UBAC2: variants seen among roughly 807,000 people sequenced by gnomAD.
UBAC2 encodes UBA domain containing 2, also known as ubiquitin-associated domain-containing protein 2.
A neutral mutation model predicts 44.0 loss-of-function variants in UBAC2; 26 were observed. That is an observed-to-expected ratio of 0.59 (90% CI 0.43 to 0.82). The LOEUF (loss-of-function observed/expected upper bound fraction) is 0.82. Among genes scored for constraint, UBAC2 ranks in the 40% least tolerant of loss-of-function variants. The pLI, the probability that UBAC2 is intolerant of heterozygous loss-of-function variation, is 0.00. For synonymous variants in UBAC2, 155 were observed against 154.3 expected (o/e 1.00, Z -0.04); for missense variants, 329 against 419.4 (o/e 0.78, Z 1.88).
chr13:99,326,816 C>G (rs1472972495), intron 6 of UBAC2, among the ~76,000 whole-genome samples: 1 of 151,672 alleles, frequency 6.6e-6, no homozygotes, highest in African/African-American at 2.4e-5. Flanking sequence ...GATGCACAGA[C>G]ACAGTTATTC....
chr13:99,328,662 T>A (rs2044673171), intron 6 of UBAC2, among the ~76,000 whole-genome samples: 1 of 152,228 alleles, frequency 6.6e-6, no homozygotes, highest in African/African-American at 2.4e-5. Context: ...TCTGTTCAAA[T>A]CTTTTATCCA....
At chr13:99,300,782 A>G (rs2138730448) in intron 4 of UBAC2, among the ~76,000 whole-genome samples, 1 of 152,300 alleles carries the variant, frequency 6.6e-6, no homozygotes, top group Non-Finnish European at 1.5e-5. Context: ...ATTTTTTCAC[A>G]TGCATAGCAG....
rs192364547 is a variant in UBAC2, at chr13:99,361,567, A to G, written c.808-6220A>G. 2.5e-4 allele frequency among the ~76,000 whole-genome samples: 38 copies of G among 152,182 alleles called. 1 individual carries two copies. In the East Asian group the frequency reaches 7.1e-3, roughly 29 times the overall value. On this transcript the variant is annotated intron_variant, in intron 7 of 8. Coordinates refer to ENST00000403766, the MANE Select transcript of UBAC2 (RefSeq NM_001144072.2). ...GTTGTGTGCCTTTGCATGTTTTTGT[A>G]TCTTTACTACATACATACTTATCAG...
chr13:99,367,992 C>T, intron 8 of UBAC2, 86 bp downstream of exon 8: 1 of 1,504,506 alleles, frequency 6.6e-7, no homozygotes, highest in Non-Finnish European at 9.0e-7. Context: ...CAAAAGTAAT[C>T]AAGCGTGTAA....
At chr13:99,266,511 T>G (rs941357591) in intron 4 of UBAC2, among the ~76,000 whole-genome samples, 18 of 152,334 alleles carry the variant, frequency 1.2e-4, no homozygotes, top group African/African-American at 3.6e-4. Flanking sequence ...TTGTAGACCA[T>G]TTCTGCCCTC....
intron 4 of UBAC2, chr13:99,296,284 T>A: frequency 1.5e-6 from 1 of 687,180 alleles, no homozygotes; most frequent in Non-Finnish European, 2.2e-6. Context: ...TTTATATATC[T>A]AAGTTTTAAA....
chr13:99,316,517 C>G (rs2138772249), intron 5 of UBAC2, among the ~76,000 whole-genome samples: 1 of 152,232 alleles, frequency 6.6e-6, no homozygotes, highest in East Asian at 1.9e-4. Context: ...GAGCCCATAA[C>G]ATCATGCCCT....
chr13:99,313,308 G>A (rs2044440562), intron 4 of UBAC2: 1 of 152,330 alleles, frequency 6.6e-6, no homozygotes, highest in African/African-American at 2.4e-5. Flanking sequence ...TTAAGCAAGG[G>A]AGTGTTGTGA....
chr13:99,332,920 A>G (rs1458344732), intron 6 of UBAC2, among the ~76,000 whole-genome samples: 1 of 147,602 alleles, frequency 6.8e-6, no homozygotes, highest in Non-Finnish European at 1.5e-5. Flanking sequence ...ATGGATTTCA[A>G]GAAAACTCGC....
intron 2 of UBAC2, among the ~76,000 whole-genome samples, chr13:99,243,617 A>G: frequency 6.6e-6 from 1 of 152,190 alleles, no homozygotes; most frequent in East Asian, 1.9e-4. Flanking sequence ...AAGCACAAAA[A>G]AATTCAAGTA....
chr13:99,273,993 A>G (rs1035230336), intron 4 of UBAC2, among the ~76,000 whole-genome samples: 1 of 151,766 alleles, frequency 6.6e-6, no homozygotes, highest in Non-Finnish European at 1.5e-5. Context: ...ATAAATGTAT[A>G]TATCTTGAGT....
chr13:99,347,699 A>T (rs754627408), intron 7 of UBAC2, among the ~76,000 whole-genome samples: 9 of 151,374 alleles, frequency 5.9e-5, no homozygotes, highest in Non-Finnish European at 1.0e-4. Context: ...CTAGGTGCTG[A>T]CAGGGGCAGG....
chr13:99,338,635 G>A (rs1316287739), intron 6 of UBAC2, among the ~76,000 whole-genome samples: 1 of 152,072 alleles, frequency 6.6e-6, no homozygotes, highest in Admixed American at 6.5e-5. Context: ...CATTTTCTTT[G>A]TCTTGTACTA....
At chr13:99,201,279 C>A in intron 1 of UBAC2, 1 of 1,449,014 alleles carries the variant, frequency 6.9e-7, no homozygotes, top group South Asian at 1.5e-5. Context: ...GAGCGTGTGC[C>A]GCGCTGAAGG....
intron 4 of UBAC2, 51 bp downstream of exon 4, chr13:99,244,675 T>A: frequency 9.2e-7 from 1 of 1,083,636 alleles, no homozygotes; most frequent in Non-Finnish European, 1.4e-6. Flanking sequence ...GAATCTGATT[T>A]AAAGTGTTAT....
chr13:99,377,806 C>T (rs1020981724), intron 8 of UBAC2, among the ~76,000 whole-genome samples: 3 of 152,196 alleles, frequency 2.0e-5, no homozygotes, highest in Admixed American at 2.0e-4. Flanking sequence ...ATGTGCCCGT[C>T]ACTGTTCTGG....
intron 7 of UBAC2, among the ~76,000 whole-genome samples, chr13:99,364,798 A>G (rs1374239082): frequency 3.3e-5 from 5 of 152,198 alleles, no homozygotes; most frequent in African/African-American, 4.8e-5. Context: ...CATTCATTCA[A>G]ACTGCTTTAT....
intron 2 of UBAC2, among the ~76,000 whole-genome samples, chr13:99,243,119 C>G (rs1159718530): frequency 6.6e-6 from 1 of 151,910 alleles, no homozygotes; most frequent in East Asian, 1.9e-4. Context: ...TTACCTATCT[C>G]ATAAGGTCAT....
chr13:99,345,748 T>C (rs1293528930), intron 7 of UBAC2, among the ~76,000 whole-genome samples: 4 of 148,816 alleles, frequency 2.7e-5, no homozygotes, highest in Non-Finnish European at 3.0e-5. Flanking sequence ...TTTCTTTTTT[T>C]TTTTTTTTTT....
Sources: allele counts gnomAD v4.1 joint callset (sites outside exome capture counted in the v4.1 genomes callset), GRCh38; gene constraint gnomAD v4.1.1; transcripts MANE v1.5; gene names NCBI Gene and HGNC (gene_info 2026-07-23, HGNC 2026-07-21).